The following MTR variants were observed in gnomAD, a reference collection of about 807,000 sequenced individuals.
MTR encodes methionine synthase.
Under a neutral mutation model 154.8 loss-of-function variants are expected in MTR, and 84 were observed. The ratio of observed to expected loss-of-function variants is 0.54; its 90% CI spans 0.45 to 0.65. The LOEUF (loss-of-function observed/expected upper bound fraction) is 0.65. Ranked by LOEUF, MTR falls within the 30% of genes least tolerant of loss-of-function variation. The pLI, the probability that MTR is intolerant of heterozygous loss-of-function variation, is 0.00. For synonymous variants in MTR, 554 were observed against 553.9 expected (o/e 1.00, Z 0.00); for missense variants, 1,275 against 1,570.2 (o/e 0.81, Z 3.18).
Position 236,882,816 on chromosome 1 carries a change from C to G in MTR, c.2676+1980C>G, listed in dbSNP as rs79938934. The stretch of plus-strand genomic sequence containing the variant: ...CCACGCAGCCAGCAGTGGTTAGCTC[C>G]TCCCGTGTACAAAGAAACGACCACA... On this transcript the variant is annotated intron_variant, in intron 25 of 32. Transcript: ENST00000366577. Among the ~76,000 whole-genome samples the G allele has an allele frequency of 8.5e-5, 13 of 152,340 alleles. No individual in the cohort carries two copies. In the East Asian group the frequency reaches 2.5e-3, roughly 29 times the overall value.
rs531950724 is a variant in MTR, at chr1:236,866,221, C to G, written c.2405+2667C>G. Among the ~76,000 whole-genome samples the G allele has an allele frequency of 2.3e-4, 35 of 152,218 alleles. 1 individual carries two copies. Among genetic ancestry groups the G allele is most frequent in the African/African-American group, 4.8e-4 (20 of 41,548 alleles). Reference sequence around the variant, plus strand: ...TGGCATTTTTCCAATAGCATGTGCTCATTTCACGTCTCTGTGTCACATTTT... The same window carrying G: ...TGGCATTTTTCCAATAGCATGTGCTGATTTCACGTCTCTGTGTCACATTTT... On this transcript the variant is annotated intron_variant, in intron 22 of 32. Coordinates refer to ENST00000366577, the MANE Select transcript of MTR (RefSeq NM_000254.3).
At position 236,816,549 on chromosome 1, in the gene MTR, T is replaced by C. The variant is rs377357761; in HGVS notation, c.764+6T>C. 288 of 1,611,360 alleles carry C rather than the reference T, an allele frequency of 1.8e-4. No homozygotes were observed. The highest frequency in any genetic ancestry group is 2.3e-4 in the Non-Finnish European group (275 of 1,177,612). On this transcript the variant is annotated splice_donor_region_variant and intron_variant, in intron 8 of 32. Transcript: ENST00000366577. ...TCTCATGGAGAACCACTCTGGTGAG[T>C]GATCCATCTTTCTGTAACTTCTTTT...
In MTR at chr1:236,833,633, A is replaced by G. The variant is rs551521428; in HGVS notation, c.1188+1555A>G. ...AACAGGAAGGGACAGGTGACTCTTC[A>G]TTAGAGTCTAGCTCTTATGACTTAA... On this transcript the variant is annotated intron_variant, in intron 13 of 32. Transcript: ENST00000366577. 1.4e-4 allele frequency among the ~76,000 whole-genome samples: 22 copies of G among 152,348 alleles called. No individual in the cohort carries two copies. The South Asian group carries it at 4.3e-3, about 30-fold the overall frequency.
rs1311934439 is a variant in MTR, at chr1:236,810,554, C to T, written c.461C>T (p.Ser154Phe). 7 of 1,613,734 alleles carry T rather than the reference C, an allele frequency of 4.3e-6. No individual in the cohort carries two copies. The highest frequency in any genetic ancestry group is 1.3e-5 in the African/African-American group (1 of 74,902). ...GALGPTNKTL[S>F]VSPSVERPDY... ...CTGGGTCCGACTAATAAGACACTCT[C>T]TGTGTCCCCATCTGTGGAAAGGCCG... Residue 154 changes from serine (S) to phenylalanine (F), a missense_variant, in exon 5 of 33, where the codon TCT becomes TTT. Coordinates refer to ENST00000366577, the MANE Select transcript of MTR (RefSeq NM_000254.3).
chr1:236,857,501 G>T (rs577444223), intron 18 of MTR, among the ~76,000 whole-genome samples: 51 of 152,288 alleles, frequency 3.3e-4, no homozygotes, highest in African/African-American at 1.2e-3. Flanking sequence ...AAACTCCACC[G>T]CATGGGTTTT....
intron 15 of MTR, among the ~76,000 whole-genome samples, chr1:236,849,147 C>G (rs1391642513): frequency 6.6e-6 from 1 of 152,174 alleles, no homozygotes; most frequent in Non-Finnish European, 1.5e-5. Context: ...GGTGAATACC[C>G]TGTGTTGAGG....
At chr1:236,814,245 CAA>C (rs1456454436) in intron 6 of MTR, among the ~76,000 whole-genome samples, 1 of 151,940 alleles carries the variant, frequency 6.6e-6, no homozygotes, top group Non-Finnish European at 1.5e-5. Context: ...CTGCAGTAAA[CAA>C]ATTATAATTT....
At chr1:236,867,314 G>A (rs1335662061) in intron 22 of MTR, among the ~76,000 whole-genome samples, 2 of 152,150 alleles carry the variant, frequency 1.3e-5, no homozygotes, top group African/African-American at 2.4e-5. Context: ...GAATGACAAA[G>A]CCTGGATGAG....
Position 236,895,354 on chromosome 1 carries a change from C to G in MTR, c.3406-4C>G. ...TAAGCATGCCTGCTGCTTTGGGTCC[C>G]AAGGCCTTTGCAGAAGAGCTCCATG... On this transcript the variant is annotated splice_region_variant and splice_polypyrimidine_tract_variant and intron_variant, in intron 30 of 32. Transcript: ENST00000366577. The G allele has an allele frequency of 6.3e-7, 1 of 1,590,776 alleles. No individual in the cohort carries two copies. Among genetic ancestry groups the G allele is most frequent in the Non-Finnish European group, 8.6e-7 (1 of 1,167,486 alleles).
At chr1:236,846,745 A>T (rs1488502124) in intron 15 of MTR, among the ~76,000 whole-genome samples, 1 of 151,754 alleles carries the variant, frequency 6.6e-6, no homozygotes, top group Non-Finnish European at 1.5e-5. Context: ...TTCTTTGGTA[A>T]ATTTTTTCCC....
chr1:236,865,412 A>G (rs1373239653), intron 22 of MTR, among the ~76,000 whole-genome samples: 1 of 152,220 alleles, frequency 6.6e-6, no homozygotes, highest in Non-Finnish European at 1.5e-5. Flanking sequence ...AGATTGTCTT[A>G]TGGAATAATG....
At chr1:236,828,888 T>C (rs1012265538) in intron 11 of MTR, among the ~76,000 whole-genome samples, 1 of 152,046 alleles carries the variant, frequency 6.6e-6, no homozygotes, top group Non-Finnish European at 1.5e-5. Flanking sequence ...AAGTTTGCTG[T>C]TTGTATTTGT....
intron 15 of MTR, among the ~76,000 whole-genome samples, chr1:236,843,086 CAAA>C (rs563953592): frequency 4.0e-5 from 3 of 74,540 alleles, no homozygotes; most frequent in Admixed American, 3.0e-4. Context: ...ACTCTGTCTC[CAAA>C]AAAAAAAAAA....
In MTR at chr1:236,815,425, T is replaced by C. The variant is rs112380144; in HGVS notation, c.610-179T>C. ...TTGTTTTGTTTCAATATGCACAGTA[T>C]TACACTTGAGAAAGGGGTGCTGGGG... On this transcript the variant is annotated intron_variant, in intron 6 of 32. Coordinates refer to ENST00000366577, the MANE Select transcript of MTR (RefSeq NM_000254.3). Among the ~76,000 whole-genome samples the C allele has an allele frequency of 5.2e-3, 785 of 152,312 alleles. 11 individuals carry two copies. The highest frequency in any genetic ancestry group is 0.018 in the African/African-American group (751 of 41,570).
intron 22 of MTR, among the ~76,000 whole-genome samples, chr1:236,873,218 A>G (rs535394217): frequency 6.6e-6 from 1 of 152,338 alleles, no homozygotes; most frequent in South Asian, 2.1e-4. Context: ...TATGCGAAAT[A>G]TCTAGATAAG....
chr1:236,831,691 A>G (rs1230388746), intron 12 of MTR, among the ~76,000 whole-genome samples: 2 of 152,202 alleles, frequency 1.3e-5, no homozygotes, highest in Non-Finnish European at 2.9e-5. Context: ...CAGAGATGGT[A>G]TGATTTGGTC....
intron 27 of MTR, among the ~76,000 whole-genome samples, chr1:236,887,662 C>T (rs181085925): frequency 2.7e-3 from 419 of 152,370 alleles, no homozygotes; most frequent in Middle Eastern, 0.01. Context: ...GCTTTAACCT[C>T]TGGCATGGGC....
intron 24 of MTR, 108 bp downstream of exon 24, chr1:236,874,954 A>G (rs2147882477): frequency 2.4e-6 from 3 of 1,266,630 alleles, no homozygotes; most frequent in East Asian, 2.5e-5. Flanking sequence ...TGTTTAGTAC[A>G]TTGACTTTTT....
chr1:236,834,233 G>T (rs1344202254), intron 13 of MTR, among the ~76,000 whole-genome samples: 1 of 152,218 alleles, frequency 6.6e-6, no homozygotes, highest in African/African-American at 2.4e-5. Context: ...AGGCTGGAGT[G>T]CGATGGCATG....
Sources: allele counts gnomAD v4.1 joint callset (sites outside exome capture counted in the v4.1 genomes callset), GRCh38; gene constraint gnomAD v4.1.1; transcripts MANE v1.5; gene names NCBI Gene and HGNC (gene_info 2026-07-23, HGNC 2026-07-21).